The following ZFP91 variants were observed in gnomAD, a reference collection of about 807,000 sequenced individuals.
ZFP91 encodes ZFP91 zinc finger protein, atypical E3 ubiquitin ligase, also known as E3 ubiquitin-protein ligase ZFP91.
In ZFP91, 7 loss-of-function variants were observed where a neutral mutation model predicts 63.5. The observed-to-expected ratio is 0.11, with a 90% CI of 0.06 to 0.21. The LOEUF (loss-of-function observed/expected upper bound fraction) is 0.21, where lower values mean the gene tolerates loss of function less well. ZFP91 is among the 10% of genes least tolerant of loss of function. The pLI is 1.00. For synonymous variants in ZFP91, 330 were observed against 272.1 expected, an observed-to-expected ratio of 1.21 and a Z score of -2.10; for missense variants, 628 against 736.6, an observed-to-expected ratio of 0.85 and a Z score of 1.71.
At chr11:58,602,327 T>A (rs1855503674) in intron 2 of ZFP91, among the ~76,000 whole-genome samples, 1 of 152,156 alleles carries the variant, frequency 6.6e-6, no homozygotes, top group Non-Finnish European at 1.5e-5. Flanking sequence ...GACTGGTGTT[T>A]GGTTCTGTTA....
At chr11:58,616,894 T>A (rs966491747) in intron 10 of ZFP91, 79 bp downstream of exon 10, 39 of 1,335,586 alleles carry the variant, frequency 2.9e-5, no homozygotes, top group Non-Finnish European at 3.7e-5. Context: ...TACAAACATA[T>A]TAGTTGCCAC....
intron 2 of ZFP91, among the ~76,000 whole-genome samples, chr11:58,591,104 A>C (rs1231832536): frequency 6.6e-6 from 1 of 152,218 alleles, no homozygotes; most frequent in Admixed American, 6.5e-5. Flanking sequence ...GAAATAAAAC[A>C]TAATTGTTTT....
At chr11:58,601,137 G>C (rs539267167) in intron 2 of ZFP91, among the ~76,000 whole-genome samples, 34 of 152,244 alleles carry the variant, frequency 2.2e-4, no homozygotes, top group Admixed American at 3.9e-4. Context: ...GTGTTGGGAA[G>C]TGTTCCATCT....
intron 2 of ZFP91, among the ~76,000 whole-genome samples, chr11:58,607,585 T>C (rs1855589217): frequency 6.7e-6 from 1 of 148,848 alleles, no homozygotes; most frequent in Non-Finnish European, 1.5e-5. Flanking sequence ...CTGTTCGCAC[T>C]GCTATTTATC....
chr11:58,587,520 A>T lies in ZFP91; in HGVS notation c.370+2636A>T, dbSNP rs1252571256. Among the ~76,000 whole-genome samples the T allele has an allele frequency of 2.0e-5, 3 of 152,334 alleles. No homozygotes were observed. The East Asian group carries it at 5.8e-4, about 29-fold the overall frequency. The stretch of plus-strand genomic sequence containing the variant: ...AAAAGGAAAAATTACTTCAAACTTG[A>T]AAGCTTAGTTTACCACTGGCAGAGG... On this transcript the variant is annotated intron_variant, in intron 2 of 10. Transcript: ENST00000316059.
chr11:58,581,670 ATT>A (rs1207686627), intron 1 of ZFP91, among the ~76,000 whole-genome samples: 3 of 152,198 alleles, frequency 2.0e-5, no homozygotes, highest in African/African-American at 7.2e-5. Flanking sequence ...CTGCTGTTTA[ATT>A]TTTGAAGGAA....
In ZFP91 at chr11:58,617,069, A is replaced by AG. The variant is rs1565026780; in HGVS notation, c.1203-127_1203-126insG. On this transcript the variant is annotated intron_variant, in intron 10 of 10. Transcript: ENST00000316059. This position sits in a 1 kb window ranked among gnomAD's most constrained non-coding sequence, Gnocchi z 4.2. ...CTTCAAAAGAAGTATGTTACTGATTATTGTGTGTGTGTGTGTGTGTGTGTG... is the reference window on the plus strand; with the variant it reads ...CTTCAAAAGAAGTATGTTACTGATTAGTTGTGTGTGTGTGTGTGTGTGTGTG... The AG allele has an allele frequency of 1.8e-3, 1,332 of 737,126 alleles. 11 individuals carry two copies. In the African/African-American group the frequency reaches 0.026, roughly 15 times the overall value. The allele number at this position is 737,126 out of a possible 1,614,324, so 45.7% of individuals were successfully genotyped here.
At chr11:58,581,092 A>T (rs1315270045) in intron 1 of ZFP91, among the ~76,000 whole-genome samples, 1 of 152,198 alleles carries the variant, frequency 6.6e-6, no homozygotes, top group African/African-American at 2.4e-5. Flanking sequence ...CAGTGTGTAA[A>T]GTGCTAGACA....
At chr11:58,579,770 G>T in intron 1 of ZFP91, 148 bp downstream of exon 1, 2 of 744,246 alleles carry the variant, frequency 2.7e-6, no homozygotes, top group Non-Finnish European at 4.0e-6. Context: ...GTTTCCCCGG[G>T]AGCCTTCGTG....
In ZFP91 at chr11:58,614,948, C is replaced by G. The variant is rs547786574; in HGVS notation, c.1102+605C>G. On this transcript the variant is annotated intron_variant, in intron 9 of 10. Coordinates refer to ENST00000316059, the MANE Select transcript of ZFP91 (RefSeq NM_053023.5). Reference sequence around the variant, plus strand: ...ATAGGAACAAATTGGGTGCATACCACTGAGTATGTCCCAGACACTTGATAA... The same window carrying G: ...ATAGGAACAAATTGGGTGCATACCAGTGAGTATGTCCCAGACACTTGATAA... Among the ~76,000 whole-genome samples the G allele has an allele frequency of 3.9e-5, 6 of 152,310 alleles. No individual in the cohort carries two copies. In the East Asian group the frequency reaches 1.2e-3, roughly 29 times the overall value.
Position 58,617,274 on chromosome 11 carries a change from C to T in ZFP91, c.1281C>T (p.Phe427=). The change falls in exon 11 of 11, where the codon TTC becomes TTT. Residue 427 remains phenylalanine, a synonymous_variant. Coordinates refer to ENST00000316059, the MANE Select transcript of ZFP91 (RefSeq NM_053023.5). This position sits in a 1 kb window ranked among gnomAD's most constrained non-coding sequence, Gnocchi z 4.2. ...WHMKKHDADS[F]YQFSCNICGK... ...TGAAGAAACATGATGCAGACTCCTT[C>T]TACCAGTTTTCTTGCAATATCTGTG... The T allele has an allele frequency of 6.2e-7, 1 of 1,613,904 alleles. No individual in the cohort carries two copies. Among genetic ancestry groups the T allele is most frequent in the Non-Finnish European group, 8.5e-7 (1 of 1,179,926 alleles).
intron 3 of ZFP91, 45 bp downstream of exon 3, chr11:58,610,084 T>TA (rs758070710): frequency 1.9e-6 from 3 of 1,596,756 alleles, no homozygotes; most frequent in Non-Finnish European, 2.6e-6. Flanking sequence ...TAGTTGCTGT[T>TA]ACATTTTAAA....
At chr11:58,587,828 A>G (rs1351370357) in intron 2 of ZFP91, among the ~76,000 whole-genome samples, 1 of 152,168 alleles carries the variant, frequency 6.6e-6, no homozygotes, top group Non-Finnish European at 1.5e-5. Context: ...AATAATAGTT[A>G]AAACTGCCTC....
intron 8 of ZFP91, 34 bp from the exon 9 acceptor site, chr11:58,614,195 T>G: frequency 3.5e-6 from 5 of 1,423,176 alleles, no homozygotes; most frequent in Non-Finnish European, 4.8e-6. Context: ...CCTTAATTTT[T>G]TTTTTTTCGC....
chr11:58,579,191 C>T lies in ZFP91; in HGVS notation c.-91C>T, dbSNP rs1191288125. The T allele has an allele frequency of 1.7e-4, 175 of 1,025,998 alleles. 1 individual carries two copies. The South Asian group carries it at 2.8e-3, about 16-fold the overall frequency. 63.6% of individuals were successfully genotyped at this position (1,025,998 alleles called of 1,614,324 possible). A position where few individuals can be genotyped will look rare whatever the true frequency, so the allele number is the denominator to read the frequency against. On this transcript the variant is annotated 5_prime_UTR_variant, in exon 1 of 11. Transcript: ENST00000316059. ...CAGGGTGAGAGTGAGCCGCAGGCTT[C>T]GGGAGGCGAGGGGGCGGGGGGAGCA...
chr11:58,618,627 GAGATT>G lies in ZFP91; in HGVS notation c.*928_*932del. 1 of 454,518 alleles carries G rather than the reference GAGATT, an allele frequency of 2.2e-6. No individual in the cohort carries two copies. The highest frequency in any genetic ancestry group is 2.4e-5 in the Admixed American group (1 of 42,248). 28.2% of individuals were successfully genotyped at this position (454,518 alleles called of 1,614,324 possible). On this transcript the variant is annotated 3_prime_UTR_variant, in exon 11 of 11. Transcript: ENST00000316059. ...CTATATTTTGTGGGGCTGGGAGAGA[GAGATT>G]AGATTATTTTGACATGGGATCCCTT...
Position 58,611,219 on chromosome 11 carries a change from GATA to G in ZFP91, c.722+171_722+173del, listed in dbSNP as rs1198491064. 5.6e-6 allele frequency: 3 copies of G among 533,020 alleles called. No homozygotes were observed. In the East Asian group the frequency reaches 9.2e-5, roughly 16 times the overall value. 33.0% of individuals were successfully genotyped at this position (533,020 alleles called of 1,614,324 possible). On this transcript the variant is annotated intron_variant, in intron 5 of 10. Coordinates refer to ENST00000316059, the MANE Select transcript of ZFP91 (RefSeq NM_053023.5). ...TAAGTCTAACACCTTAATATACCCTGATAATAATCCTCTTTCCCATTTGTAGAA... is the reference window on the plus strand; with the variant it reads ...TAAGTCTAACACCTTAATATACCCTGATAATCCTCTTTCCCATTTGTAGAA...
intron 1 of ZFP91, among the ~76,000 whole-genome samples, chr11:58,581,515 C>T (rs1855115909): frequency 1.3e-5 from 2 of 152,190 alleles, no homozygotes; most frequent in Non-Finnish European, 2.9e-5. Flanking sequence ...CGCCCGCCAC[C>T]AATCCCAGCT....
Position 58,617,843 on chromosome 11 carries a change from C to A in ZFP91, c.*137C>A. The A allele has an allele frequency of 8.1e-7, 1 of 1,236,642 alleles. No individual in the cohort carries two copies. Among genetic ancestry groups the A allele is most frequent in the Non-Finnish European group, 1.1e-6 (1 of 937,230 alleles). The allele number at this position is 1,236,642 out of a possible 1,614,324, so 76.6% of individuals were successfully genotyped here. ...GCTCTTTCCATTGTGGATCACAGCA[C>A]ACACATACATACACCCTCCACCTCC... On this transcript the variant is annotated 3_prime_UTR_variant, in exon 11 of 11. Coordinates refer to ENST00000316059, the MANE Select transcript of ZFP91 (RefSeq NM_053023.5). The surrounding 1 kb of genome is among the most constrained non-coding windows in gnomAD (Gnocchi z 4.2).
Sources: gnomAD v4.1 joint callset for allele counts (sites outside exome capture counted in the v4.1 genomes callset) on GRCh38, gnomAD v4.1.1 for gene constraint, Gnocchi (gnomAD v3.1) non-coding constraint, MANE v1.5 for transcripts, NCBI Gene and HGNC (gene_info 2026-07-23, HGNC 2026-07-21) for gene names.